INSC: variants seen among roughly 807,000 people sequenced by gnomAD.
INSC encodes the protein protein inscuteable homolog.
INSC carries 67 observed loss-of-function variants against 58.6 expected under a neutral mutation model. That is an observed-to-expected ratio of 1.14 (90% CI 0.94 to 1.40). INSC has a LOEUF of 1.40. Among genes scored for constraint, INSC ranks in the 40% most tolerant of loss-of-function variants. INSC has a pLI of 0.00. For missense variants in INSC, 714 were observed against 692.0 expected, an observed-to-expected ratio of 1.03 and a Z score of -0.36; for synonymous variants, 262 against 276.1, an observed-to-expected ratio of 0.95 and a Z score of 0.51.
chr11:15,146,845 A>T (rs1848504981), intron 1 of INSC, among the ~76,000 whole-genome samples: 1 of 151,418 alleles, frequency 6.6e-6, no homozygotes, highest in Admixed American at 6.6e-5. Flanking sequence ...GCTTATGACA[A>T]CTCTTTTTTT....
chr11:15,132,652 ACT>A (rs530850644), intron 1 of INSC, among the ~76,000 whole-genome samples: 2 of 151,676 alleles, frequency 1.3e-5, no homozygotes, highest in Non-Finnish European at 2.9e-5. Context: ...TTTGCTCATC[ACT>A]CTTTCTTGTA....
intron 2 of INSC, among the ~76,000 whole-genome samples, chr11:15,159,148 T>C (rs914128177): frequency 3.9e-5 from 6 of 152,284 alleles, no homozygotes; most frequent in Middle Eastern, 3.4e-3. Flanking sequence ...TGGGTCTGCC[T>C]ACAACTGAAA....
At chr11:15,124,008 C>A (rs923341553) in intron 1 of INSC, among the ~76,000 whole-genome samples, 8 of 152,172 alleles carry the variant, frequency 5.3e-5, no homozygotes, top group Non-Finnish European at 4.4e-5. Context: ...GACAGAACAG[C>A]CCATTCCATC....
intron 1 of INSC, among the ~76,000 whole-genome samples, chr11:15,128,220 G>T (rs574568377): frequency 7.0e-4 from 106 of 152,174 alleles, no homozygotes; most frequent in African/African-American, 2.5e-3. Context: ...CTGTCTTCTG[G>T]ATTTCTATCC....
Position 15,176,016 on chromosome 11 carries a change from C to T in INSC, c.332C>T (p.Thr111Ile). 1 of 1,589,146 alleles carries T rather than the reference C, an allele frequency of 6.3e-7. No individual in the cohort carries two copies. Among genetic ancestry groups the T allele is most frequent in the South Asian group, 1.1e-5 (1 of 88,416 alleles). ...ARVHSMSVRL[T>I]CHARSMVSEY... ...GTGCACAGCATGAGCGTGCGTCTGA[C>T]CTGCCATGCCCGCTCCATGGTCAGC... The change falls in exon 3 of 13, where the codon ACC (threonine) becomes ATC (isoleucine). Residue 111 changes from threonine to isoleucine, a missense_variant. Thr to Ile is a moderately conservative substitution (Grantham distance 89, BLOSUM62 -1). Coordinates refer to ENST00000379556, the MANE Select transcript of INSC (RefSeq NM_001042536.3).
intron 1 of INSC, among the ~76,000 whole-genome samples, chr11:15,116,867 C>T (rs1311096762): frequency 1.7e-3 from 94 of 56,542 alleles, no homozygotes; most frequent in African/African-American, 4.8e-3. Context: ...CTCTCTCTCT[C>T]TCTCTCTCTC....
rs758760985 is a variant in INSC at position 15,175,906 on chromosome 11, G to A, written c.222G>A (p.Leu74=). ...LAGGPGPGDP[L]QLLLKRGWVI... The stretch of plus-strand genomic sequence containing the variant: ...GTGGCCCTGGCCCTGGAGACCCCCT[G>A]CAGCTGCTGCTCAAACGGGGTTGGG... The change falls in exon 3 of 13, where the codon CTG becomes CTA. Residue 74 remains leucine, a synonymous_variant. Transcript: ENST00000379556. 1 of 1,614,184 alleles carries A rather than the reference G, an allele frequency of 6.2e-7. No homozygotes were observed. The highest frequency in any genetic ancestry group is 1.7e-5 in the Admixed American group (1 of 60,018).
the INSC span, among the ~76,000 whole-genome samples, chr11:15,266,475 A>T: frequency 1.3e-5 from 2 of 152,068 alleles, no homozygotes; most frequent in Non-Finnish European, 2.9e-5. Flanking sequence ...ACTAGTAAAG[A>T]CAAGAAAAAC....
chr11:15,237,480 G>GC (rs1852174367), intron 10 of INSC, among the ~76,000 whole-genome samples: 1 of 152,320 alleles, frequency 6.6e-6, no homozygotes, highest in African/African-American at 2.4e-5. Flanking sequence ...ACTATGCTAA[G>GC]CCCCCCTGCT....
chr11:15,249,911 G>A (rs1003930141), downstream of INSC, among the ~76,000 whole-genome samples: 1 of 152,216 alleles, frequency 6.6e-6, no homozygotes, highest in Admixed American at 6.5e-5. Flanking sequence ...CTGGTCAGGT[G>A]CAGCACAAGT....
At chr11:15,230,601 G>C (rs181490622) in intron 9 of INSC, among the ~76,000 whole-genome samples, 4 of 152,336 alleles carry the variant, frequency 2.6e-5, no homozygotes, top group Admixed American at 6.5e-5. Flanking sequence ...CAGGGATATT[G>C]TGTAGTATTG....
At chr11:15,238,064 G>A (rs926601424) in intron 10 of INSC, among the ~76,000 whole-genome samples, 7 of 152,136 alleles carry the variant, frequency 4.6e-5, no homozygotes, top group African/African-American at 1.7e-4. Flanking sequence ...AGCTCACACA[G>A]AAGATGAACT....
In INSC at chr11:15,183,244, G is replaced by A. The variant is rs144088089; in HGVS notation, c.579+4797G>A. Among the ~76,000 whole-genome samples the A allele has an allele frequency of 9.7e-3, 1,476 of 151,688 alleles. 9 individuals carry two copies. The highest frequency in any genetic ancestry group is 0.014 in the Non-Finnish European group (957 of 67,900). Reference sequence around the variant, plus strand: ...CACATGCTTGTAATCCCAGCTATTTGGGAGCCTGAGGCAGGAGAATTGGTT... The same window carrying A: ...CACATGCTTGTAATCCCAGCTATTTAGGAGCCTGAGGCAGGAGAATTGGTT... On this transcript the variant is annotated intron_variant, in intron 5 of 12. Transcript: ENST00000379556.
intron 2 of INSC, among the ~76,000 whole-genome samples, chr11:15,166,692 C>G (rs1469589837): frequency 2.0e-5 from 3 of 152,158 alleles, no homozygotes; most frequent in Admixed American, 2.0e-4. Flanking sequence ...CAGTCTTAGG[C>G]TTATTTGATT....
At chr11:15,112,586 ATGTGAGTGTGTG>A, upstream of INSC, 3 of 887,428 alleles carry the variant, frequency 3.4e-6, no homozygotes, top group African/African-American at 2.6e-5. Context: ...GGGAAGGTGG[ATGTGAGTGTGTG>A]TGTGTGTGTG....
intron 12 of INSC, among the ~76,000 whole-genome samples, chr11:15,244,410 T>C (rs1214950271): frequency 1.3e-5 from 2 of 152,128 alleles, no homozygotes; most frequent in African/African-American, 4.8e-5. Flanking sequence ...GGCCTGGACA[T>C]GACAGCACCT....
At position 15,147,333 on chromosome 11, in the gene INSC, C is replaced by T. The variant is rs149428986; in HGVS notation, c.-45-1797C>T. ...GTGATAACATGCTTGTTGAGCCTCT[C>T]GCTGTGCTAAGTGTGTGACCTGCTG... On this transcript the variant is annotated intron_variant, in intron 1 of 12. Transcript: ENST00000379556. Among the ~76,000 whole-genome samples the T allele has an allele frequency of 2.1e-3, 318 of 152,262 alleles. 1 individual carries two copies. The highest frequency in any genetic ancestry group is 3.2e-3 in the Non-Finnish European group (221 of 68,030).
intron 5 of INSC, chr11:15,188,071 T>G: frequency 4.0e-6 from 2 of 500,962 alleles, no homozygotes; most frequent in Non-Finnish European, 5.2e-6. Context: ...GTCCCCTGTT[T>G]GAGGAGTCCC....
At chr11:15,162,120 C>A (rs547140957) in intron 2 of INSC, among the ~76,000 whole-genome samples, 2 of 152,302 alleles carry the variant, frequency 1.3e-5, no homozygotes, top group African/African-American at 4.8e-5. Context: ...ATGGACCCAG[C>A]TGACATCTGG....
Sources: allele counts gnomAD v4.1 joint callset (sites outside exome capture counted in the v4.1 genomes callset), GRCh38; gene constraint gnomAD v4.1.1; transcripts MANE v1.5; gene names NCBI Gene and HGNC (gene_info 2026-07-23, HGNC 2026-07-21).